NR3C2: variants seen among roughly 807,000 people sequenced by gnomAD.
NR3C2 encodes nuclear receptor subfamily 3 group C member 2.
NR3C2 carries 15 observed loss-of-function variants against 86.4 expected under a neutral mutation model. That is an observed-to-expected ratio of 0.17 (90% CI 0.12 to 0.27). The LOEUF (loss-of-function observed/expected upper bound fraction) is 0.27, where lower values mean the gene tolerates loss of function less well. NR3C2 is among the 10% of genes least tolerant of loss of function. The pLI, the probability that NR3C2 is intolerant of heterozygous loss-of-function variation, is 1.00. For synonymous variants in NR3C2, 458 were observed against 450.5 expected, an observed-to-expected ratio of 1.02 and a Z score of -0.21; for missense variants, 960 against 1,195.6, an observed-to-expected ratio of 0.80 and a Z score of 2.91.
At chr4:148,278,471 T>C (rs1407506414) in intron 2 of NR3C2, among the ~76,000 whole-genome samples, 2 of 152,162 alleles carry the variant, frequency 1.3e-5, no homozygotes, top group East Asian at 1.9e-4. Context: ...CTAAATGATG[T>C]GCAAAAAACT....
intron 1 of NR3C2, among the ~76,000 whole-genome samples, chr4:148,439,651 A>T (rs1010484348): frequency 1.3e-5 from 2 of 152,154 alleles, no homozygotes; most frequent in Non-Finnish European, 2.9e-5. Flanking sequence ...GCTTTTTTGA[A>T]ATTTCCCTAT....
intron 3 of NR3C2, among the ~76,000 whole-genome samples, chr4:148,226,542 C>G (rs1317482380): frequency 6.6e-6 from 1 of 152,108 alleles, no homozygotes; most frequent in African/African-American, 2.4e-5. Context: ...TTTGTGTGGA[C>G]ATGTGTATTC....
chr4:148,199,274 T>C (rs570285620), intron 3 of NR3C2, among the ~76,000 whole-genome samples: 6 of 152,096 alleles, frequency 3.9e-5, no homozygotes, highest in African/African-American at 7.2e-5. Context: ...TTTAAGTCTT[T>C]AGTTTTTTTC....
chr4:148,143,417 G>A (rs1019301733), intron 6 of NR3C2, among the ~76,000 whole-genome samples: 10 of 152,144 alleles, frequency 6.6e-5, no homozygotes, highest in African/African-American at 1.9e-4. Context: ...TCACAATGCC[G>A]CCTTCACTTT....
At chr4:148,432,948 T>C (rs575610335) in intron 2 of NR3C2, among the ~76,000 whole-genome samples, 1 of 152,240 alleles carries the variant, frequency 6.6e-6, no homozygotes, top group South Asian at 2.1e-4. Context: ...GCTTTAAAGT[T>C]TTTAGGAAAT....
At chr4:148,172,435 T>A (rs937167258) in intron 4 of NR3C2, among the ~76,000 whole-genome samples, 3 of 152,196 alleles carry the variant, frequency 2.0e-5, no homozygotes, top group Non-Finnish European at 2.9e-5. Flanking sequence ...GCTATGTAAG[T>A]CAACAATAAG....
intron 2 of NR3C2, among the ~76,000 whole-genome samples, chr4:148,434,659 C>T (rs545727824): frequency 7.9e-5 from 12 of 151,892 alleles, no homozygotes; most frequent in Non-Finnish European, 1.6e-4. Flanking sequence ...CTTTCACAAC[C>T]GATGAAGTGA....
chr4:148,126,985 CAG>C lies in NR3C2; in HGVS notation c.2511-6699_2511-6698del, dbSNP rs1732778280. On this transcript the variant is annotated intron_variant, in intron 6 of 8. Transcript: ENST00000358102. ...AGTAATGATTTTTGGCCCTTTTTTCCAGAGTCATACAACTCTATTCAGTACCT... is the reference window on the plus strand; with the variant it reads ...AGTAATGATTTTTGGCCCTTTTTTCCAGTCATACAACTCTATTCAGTACCT... Among the ~76,000 whole-genome samples, 13 of 152,236 alleles carry C rather than the reference CAG, an allele frequency of 8.5e-5. No homozygotes were observed. The South Asian group carries it at 2.5e-3, about 29-fold the overall frequency.
chr4:148,393,544 G>A (rs996432949), intron 2 of NR3C2, among the ~76,000 whole-genome samples: 4 of 152,116 alleles, frequency 2.6e-5, no homozygotes, highest in Non-Finnish European at 4.4e-5. Flanking sequence ...TGGTGGGGAC[G>A]GTGATGAACT....
intron 2 of NR3C2, among the ~76,000 whole-genome samples, chr4:148,318,714 G>C (rs1274443146): frequency 6.8e-6 from 1 of 147,306 alleles, no homozygotes; most frequent in African/African-American, 2.4e-5. Flanking sequence ...CCCACTTTTT[G>C]ATGGGGTTGT....
At chr4:148,406,366 G>A (rs2126550226) in intron 2 of NR3C2, among the ~76,000 whole-genome samples, 1 of 152,230 alleles carries the variant, frequency 6.6e-6, no homozygotes, top group Non-Finnish European at 1.5e-5. Context: ...TAAGGTCAGA[G>A]TTCGGAATGC....
intron 2 of NR3C2, among the ~76,000 whole-genome samples, chr4:148,391,456 G>T (rs895538675): frequency 1.3e-5 from 2 of 152,194 alleles, no homozygotes; most frequent in African/African-American, 4.8e-5. Context: ...AATAGTTGGA[G>T]CATGTAAAGT....
chr4:148,217,821 AAGG>A (rs1205028827), intron 3 of NR3C2, among the ~76,000 whole-genome samples: 1 of 152,230 alleles, frequency 6.6e-6, no homozygotes, highest in African/African-American at 2.4e-5. Flanking sequence ...CTGAGAAGAC[AAGG>A]AGAAGAACTC....
chr4:148,312,884 A>G (rs1201649702), intron 2 of NR3C2, among the ~76,000 whole-genome samples: 1 of 152,194 alleles, frequency 6.6e-6, no homozygotes, highest in Non-Finnish European at 1.5e-5. Flanking sequence ...AAAGAGCAGT[A>G]GCCCAATTAA....
At chr4:148,088,056 G>A (rs759546634) in intron 8 of NR3C2, among the ~76,000 whole-genome samples, 8 of 152,196 alleles carry the variant, frequency 5.3e-5, no homozygotes, top group Non-Finnish European at 1.2e-4. Flanking sequence ...CAAAGGATAT[G>A]AAGAGACTCT....
At chr4:148,198,016 G>C (rs1038290372) in intron 3 of NR3C2, among the ~76,000 whole-genome samples, 10 of 152,084 alleles carry the variant, frequency 6.6e-5, no homozygotes, top group African/African-American at 2.4e-4. Flanking sequence ...AAGACAGAAA[G>C]CTTCCAAGGT....
intron 3 of NR3C2, among the ~76,000 whole-genome samples, chr4:148,207,809 T>C (rs1367994818): frequency 1.3e-5 from 2 of 152,202 alleles, no homozygotes; most frequent in Non-Finnish European, 1.5e-5. Context: ...CCAAAATCTA[T>C]ATATACTGTG....
chr4:148,384,217 T>C (rs1449250944), intron 2 of NR3C2, among the ~76,000 whole-genome samples: 1 of 152,028 alleles, frequency 6.6e-6, no homozygotes, highest in Non-Finnish European at 1.5e-5. Flanking sequence ...ATATTTTCTA[T>C]ACAGTAATAG....
At chr4:148,391,382 T>G (rs1202098255) in intron 2 of NR3C2, among the ~76,000 whole-genome samples, 1 of 152,232 alleles carries the variant, frequency 6.6e-6, no homozygotes, top group African/African-American at 2.4e-5. Flanking sequence ...ATAGCATTTG[T>G]ATAATTCTTA....
Sources: gnomAD v4.1 joint callset for allele counts (sites outside exome capture counted in the v4.1 genomes callset) on GRCh38, gnomAD v4.1.1 for gene constraint, MANE v1.5 for transcripts, NCBI Gene and HGNC (gene_info 2026-07-23, HGNC 2026-07-21) for gene names.